IDE: variants seen among roughly 807,000 people sequenced by gnomAD.
IDE encodes insulin degrading enzyme, also known as insulin-degrading enzyme.
In IDE, 58 loss-of-function variants were observed where a neutral mutation model predicts 133.2. The ratio of observed to expected loss-of-function variants is 0.44; its 90% CI spans 0.35 to 0.54. The LOEUF is 0.54. IDE is among the 20% of genes least tolerant of loss of function. The probability of loss-of-function intolerance (pLI) is 0.00; values close to 1 mark genes in which losing one functional copy is unlikely to be tolerated. For missense variants in IDE, 981 were observed against 1,234.0 expected (o/e 0.79, Z 3.07); for synonymous variants, 396 against 421.3 (o/e 0.94, Z 0.73).
chr10:92,489,240 C>T (rs1847203579), intron 12 of IDE, among the ~76,000 whole-genome samples: 1 of 152,038 alleles, frequency 6.6e-6, no homozygotes, highest in South Asian at 2.1e-4. Context: ...CTACTGAGTT[C>T]CCAGATAGAT....
Position 92,487,313 on chromosome 10 carries a change from C to A in IDE, c.1539G>T (p.Trp513Cys). The part of the protein sequence containing the change: ...EAIPDEVIKK[W>C]QNADLNGKFK... ...ATTTCCCATTCAGGTCAGCATTTTG[C>A]CATTTCTGGATGAATAATGAAACAC... is the stretch of plus-strand genomic sequence containing the variant. The change falls in exon 13 of 25, where the codon TGG becomes TGT. Residue 513 changes from tryptophan to cysteine, a missense_variant. By Grantham distance (215) the Trp-to-Cys change is radical (BLOSUM62 -2). This residue lies in a region of IDE where 660 missense variants were observed against 894.7 expected (regional missense o/e 0.74). Coordinates refer to ENST00000265986, the MANE Select transcript of IDE (RefSeq NM_004969.4). 1 of 1,609,240 alleles carries A rather than the reference C, an allele frequency of 6.2e-7. No individual in the cohort carries two copies. The highest frequency in any genetic ancestry group is 8.5e-7 in the Non-Finnish European group (1 of 1,177,894).
chr10:92,546,759 G>C (rs1389549419), intron 1 of IDE, among the ~76,000 whole-genome samples: 1 of 152,158 alleles, frequency 6.6e-6, no homozygotes, highest in East Asian at 1.9e-4. Flanking sequence ...CTAGCTTTTA[G>C]TAATTACTTT....
At chr10:92,522,481 C>T (rs2135599912) in intron 4 of IDE, among the ~76,000 whole-genome samples, 1 of 152,272 alleles carries the variant, frequency 6.6e-6, no homozygotes, top group East Asian at 1.9e-4. Flanking sequence ...CCTCTCTGTA[C>T]TCCCTGCAAG....
In IDE at chr10:92,454,147, A is replaced by G. The variant is rs1353007648; in HGVS notation, c.*297T>C. 1 of 218,742 alleles carries G rather than the reference A, an allele frequency of 4.6e-6. No individual in the cohort carries two copies. The highest frequency in any genetic ancestry group is 9.1e-6 in the Non-Finnish European group (1 of 109,482). The allele number at this position is 218,742 out of a possible 1,614,324, so 13.6% of individuals were successfully genotyped here. On this transcript the variant is annotated 3_prime_UTR_variant, in exon 25 of 25. Transcript: ENST00000265986. ...GACTATTTTACAGAATAGGGAAGGAAGATTCTATAGGAATATCATTCATTT... is the reference window on the plus strand; with the variant it reads ...GACTATTTTACAGAATAGGGAAGGAGGATTCTATAGGAATATCATTCATTT...
chr10:92,507,496 C>T (rs1276163271), intron 9 of IDE, 79 bp downstream of exon 9: 5 of 809,452 alleles, frequency 6.2e-6, no homozygotes, highest in Non-Finnish European at 1.1e-5. Flanking sequence ...TTAACTGGGC[C>T]TTAAATTTAA....
At chr10:92,501,515 C>CA (rs1411750326) in intron 11 of IDE, among the ~76,000 whole-genome samples, 1 of 142,334 alleles carries the variant, frequency 7.0e-6, no homozygotes, top group African/African-American at 2.6e-5. Flanking sequence ...ACTAAAAATA[C>CA]AAAAATTAGC....
At chr10:92,495,933 G>A (rs149892490) in intron 11 of IDE, among the ~76,000 whole-genome samples, 2 of 151,400 alleles carry the variant, frequency 1.3e-5, no homozygotes, top group African/African-American at 4.8e-5. Context: ...GGAGTGCAGT[G>A]GCATGATCTT....
chr10:92,461,170 A>C (rs377425045), intron 22 of IDE, 21 bp downstream of exon 22: 7 of 1,171,790 alleles, frequency 6.0e-6, no homozygotes, highest in Middle Eastern at 2.0e-4. Flanking sequence ...GTCAAAATCT[A>C]AATATATGAA....
intron 4 of IDE, among the ~76,000 whole-genome samples, chr10:92,519,810 A>T (rs1294696865): frequency 6.6e-6 from 1 of 152,194 alleles, no homozygotes; most frequent in Admixed American, 6.5e-5. Flanking sequence ...TGAGAATTAA[A>T]ATATAAATAA....
chr10:92,462,048 G>T (rs996818513), intron 21 of IDE, among the ~76,000 whole-genome samples: 1 of 152,112 alleles, frequency 6.6e-6, no homozygotes, highest in African/African-American at 2.4e-5. Flanking sequence ...GGGCACAGTG[G>T]CTCATGCCTA....
intron 1 of IDE, 143 bp downstream of exon 1, chr10:92,573,779 C>T: frequency 1.7e-6 from 1 of 595,950 alleles, no homozygotes. Context: ...CTCAGCGCGG[C>T]AGTACGGGCC....
At chr10:92,544,317 T>C (rs1842444613) in intron 1 of IDE, among the ~76,000 whole-genome samples, 1 of 152,176 alleles carries the variant, frequency 6.6e-6, no homozygotes, top group African/African-American at 2.4e-5. Flanking sequence ...TCATAGGCTT[T>C]ATAAACTGTT....
At chr10:92,517,369 C>A (rs1848985842) in intron 4 of IDE, among the ~76,000 whole-genome samples, 1 of 152,160 alleles carries the variant, frequency 6.6e-6, no homozygotes, top group South Asian at 2.1e-4. Flanking sequence ...CATATGCATT[C>A]ATACTCACTA....
chr10:92,508,270 A>T (rs1848401413), intron 7 of IDE, 65 bp from the exon 8 acceptor site: 4 of 1,253,736 alleles, frequency 3.2e-6, no homozygotes, highest in African/African-American at 1.5e-5. Flanking sequence ...GATAAGAAAA[A>T]TTTTAAAAAT....
chr10:92,540,377 C>G (rs1323743971), intron 1 of IDE, among the ~76,000 whole-genome samples: 2 of 152,138 alleles, frequency 1.3e-5, no homozygotes, highest in Non-Finnish European at 2.9e-5. Flanking sequence ...ATAAATTAAA[C>G]TATTTTTAAA....
At chr10:92,539,965 G>C (rs974057818) in intron 1 of IDE, among the ~76,000 whole-genome samples, 4 of 152,154 alleles carry the variant, frequency 2.6e-5, no homozygotes, top group Admixed American at 2.0e-4. Flanking sequence ...TCCTAGGCCA[G>C]GCACAGTGAC....
intron 1 of IDE, among the ~76,000 whole-genome samples, chr10:92,570,939 A>G (rs1843752769): frequency 6.6e-6 from 1 of 150,732 alleles, no homozygotes; most frequent in Non-Finnish European, 1.5e-5. Flanking sequence ...AAGAAAACAT[A>G]CTGAACTTTT....
chr10:92,515,095 A>G, intron 4 of IDE, 53 bp from the exon 5 acceptor site: 1 of 1,435,616 alleles, frequency 7.0e-7, no homozygotes, highest in South Asian at 1.3e-5. Flanking sequence ...GTGGACTTTT[A>G]AAGTTTTGTA....
intron 3 of IDE, among the ~76,000 whole-genome samples, chr10:92,532,810 T>C (rs1307424862): frequency 3.3e-5 from 5 of 152,210 alleles, no homozygotes; most frequent in Non-Finnish European, 7.3e-5. Flanking sequence ...ATAGGACTAC[T>C]TTATTCAGTG....
Sources: allele counts gnomAD v4.1 joint callset (sites outside exome capture counted in the v4.1 genomes callset), GRCh38; gene constraint gnomAD v4.1.1; regional missense constraint gnomAD v4.1.1; transcripts MANE v1.5; gene names NCBI Gene and HGNC (gene_info 2026-07-23, HGNC 2026-07-21).